TENM3: variants seen among roughly 807,000 people sequenced by gnomAD.
TENM3 encodes the protein teneurin-3.
Under a neutral mutation model 255.1 loss-of-function variants are expected in TENM3, and 63 were observed. The observed-to-expected ratio is 0.25, with a 90% CI of 0.20 to 0.30. The LOEUF (loss-of-function observed/expected upper bound fraction) is 0.30, where lower values mean the gene tolerates loss of function less well. Among genes scored for constraint, TENM3 ranks in the 10% least tolerant of loss-of-function variants. TENM3 has a pLI of 1.00. For missense variants in TENM3, 2,929 were observed against 3,461.1 expected (o/e 0.85, Z 3.86); for synonymous variants, 1,306 against 1,322.3 (o/e 0.99, Z 0.27).
the TENM3 span, among the ~76,000 whole-genome samples, chr4:181,474,604 G>A: frequency 4.0e-5 from 6 of 151,768 alleles, no homozygotes; most frequent in Admixed American, 2.0e-4. Context: ...GTGTGGTGGC[G>A]GGCGCCTGTA....
chr4:182,759,018 T>C (rs753016797), intron 22 of TENM3, among the ~76,000 whole-genome samples: 24 of 152,174 alleles, frequency 1.6e-4, no homozygotes, highest in African/African-American at 5.8e-4. Context: ...TGGAAGAAGA[T>C]CTGGAATCAA....
the TENM3 span, among the ~76,000 whole-genome samples, chr4:181,598,824 A>G: frequency 6.6e-6 from 1 of 152,144 alleles, no homozygotes; most frequent in Non-Finnish European, 1.5e-5. Context: ...ACAATTTGCC[A>G]TTTTTCAAGT....
At chr4:181,611,609 TG>T in the TENM3 span, among the ~76,000 whole-genome samples, 1 of 152,228 alleles carries the variant, frequency 6.6e-6, no homozygotes, top group Admixed American at 6.5e-5. Flanking sequence ...TCCAAATCCT[TG>T]GCTAAAATCT....
intron 3 of TENM3, among the ~76,000 whole-genome samples, chr4:182,438,986 A>G (rs1326685213): frequency 6.6e-6 from 1 of 152,214 alleles, no homozygotes; most frequent in Non-Finnish European, 1.5e-5. Flanking sequence ...TGGATGGTCC[A>G]GTGTCAAAAT....
the TENM3 span, among the ~76,000 whole-genome samples, chr4:181,979,639 T>C: frequency 3.3e-5 from 5 of 152,114 alleles, no homozygotes; most frequent in African/African-American, 1.2e-4. Context: ...TGGGGACCAG[T>C]GTTGTTTGTC....
Position 182,286,495 on chromosome 4 carries a change from C to T in TENM3, c.-75-37451C>T, listed in dbSNP as rs564530288. 3.3e-4 allele frequency among the ~76,000 whole-genome samples: 50 copies of T among 152,264 alleles called. 1 individual carries two copies. Among genetic ancestry groups the T allele is most frequent in the Middle Eastern group, 3.4e-3 (1 of 294 alleles). On this transcript the variant is annotated intron_variant, in intron 1 of 27. Transcript: ENST00000511685. Reference sequence around the variant, plus strand: ...CTCACCACAAACTGCATCTCCACAACGCTGACGGACCCCTCAACCCCCACA... The same window carrying T: ...CTCACCACAAACTGCATCTCCACAATGCTGACGGACCCCTCAACCCCCACA...
chr4:181,463,902 C>A, the TENM3 span, among the ~76,000 whole-genome samples: 1 of 152,248 alleles, frequency 6.6e-6, no homozygotes, highest in Non-Finnish European at 1.5e-5. Context: ...TAAAACCATA[C>A]AAGACATGGT....
At position 182,384,311 on chromosome 4, in the gene TENM3, GT is replaced by G. The variant is rs10638816; in HGVS notation, c.511+37395del. The stretch of plus-strand genomic sequence containing the variant: ...CTTTGAAAATGTCTGCTGTGGTTCA[GT>G]TTTTTTTTTTTTCTTGAAAATATAA... On this transcript the variant is annotated intron_variant, in intron 3 of 27. Transcript: ENST00000511685. 2.7e-3 allele frequency among the ~76,000 whole-genome samples: 400 copies of G among 147,912 alleles called. 5 individuals carry two copies. The highest frequency in any genetic ancestry group is 9.3e-3 in the African/African-American group (377 of 40,444).
chr4:182,429,288 A>G (rs369249081), intron 3 of TENM3, among the ~76,000 whole-genome samples: 3 of 152,354 alleles, frequency 2.0e-5, no homozygotes, highest in South Asian at 4.1e-4. Flanking sequence ...GTATTATTGG[A>G]TATAAAAACT....
At chr4:181,909,277 T>C in the TENM3 span, among the ~76,000 whole-genome samples, 4 of 152,246 alleles carry the variant, frequency 2.6e-5, no homozygotes, top group African/African-American at 7.2e-5. Context: ...GCAAATTATT[T>C]AATCTCTGTG....
At chr4:182,292,953 GAC>G (rs1386867496) in intron 1 of TENM3, among the ~76,000 whole-genome samples, 1 of 152,182 alleles carries the variant, frequency 6.6e-6, no homozygotes, top group Non-Finnish European at 1.5e-5. Flanking sequence ...CATGCTCAGA[GAC>G]CCAGAGGTGG....
intron 3 of TENM3, among the ~76,000 whole-genome samples, chr4:182,406,562 C>T (rs1414816996): frequency 2.6e-5 from 4 of 152,110 alleles, no homozygotes; most frequent in African/African-American, 7.2e-5. Flanking sequence ...GAGGGCTGGC[C>T]GCCTGGAGAA....
the TENM3 span, among the ~76,000 whole-genome samples, chr4:181,831,669 AC>A: frequency 6.6e-6 from 1 of 152,196 alleles, no homozygotes; most frequent in Non-Finnish European, 1.5e-5. Context: ...GATTTCAGAA[AC>A]ATCAATCACA....
chr4:181,768,704 T>C, the TENM3 span, among the ~76,000 whole-genome samples: 1 of 152,182 alleles, frequency 6.6e-6, no homozygotes, highest in Admixed American at 6.5e-5. Context: ...GCTTTTATTA[T>C]TATATTGGCT....
chr4:182,040,842 G>A, the TENM3 span, among the ~76,000 whole-genome samples: 3 of 152,034 alleles, frequency 2.0e-5, no homozygotes, highest in East Asian at 1.9e-4. Context: ...TCTTGTGTTC[G>A]TTTTTTGTTT....
the TENM3 span, among the ~76,000 whole-genome samples, chr4:181,547,675 C>A: frequency 6.6e-6 from 1 of 152,068 alleles, no homozygotes; most frequent in South Asian, 2.1e-4. Context: ...ACTTAGTACA[C>A]TGGACACTAA....
chr4:182,017,608 C>T, the TENM3 span, among the ~76,000 whole-genome samples: 1 of 152,110 alleles, frequency 6.6e-6, no homozygotes, highest in Non-Finnish European at 1.5e-5. Flanking sequence ...GCCCTCCTTA[C>T]TTAGATAAGA....
intron 1 of TENM3, among the ~76,000 whole-genome samples, chr4:182,264,555 T>C (rs1287847890): frequency 6.6e-6 from 1 of 152,222 alleles, no homozygotes. Flanking sequence ...ACAGAGACTG[T>C]CCTGTGCTGT....
chr4:181,650,254 A>C, the TENM3 span, among the ~76,000 whole-genome samples: 1 of 152,192 alleles, frequency 6.6e-6, no homozygotes, highest in Non-Finnish European at 1.5e-5. Context: ...TTGCCTTTGT[A>C]ATCCTACTCA....
Sources: gnomAD v4.1 joint callset for allele counts (sites outside exome capture counted in the v4.1 genomes callset) on GRCh38, gnomAD v4.1.1 for gene constraint, MANE v1.5 for transcripts, NCBI Gene and HGNC (gene_info 2026-07-23, HGNC 2026-07-21) for gene names.